Variants in NEO1 observed in about 807,000 individuals in gnomAD.
NEO1 encodes neogenin 1.
A neutral mutation model predicts 159.7 loss-of-function variants in NEO1; 63 were observed. The observed-to-expected ratio is 0.39, with a 90% CI of 0.32 to 0.49. NEO1 has a LOEUF of 0.49. Ranked by LOEUF, NEO1 falls within the 20% of genes least tolerant of loss-of-function variation. The pLI, the probability that NEO1 is intolerant of heterozygous loss-of-function variation, is 0.85. For synonymous variants in NEO1, 633 were observed against 662.0 expected (o/e 0.96, Z 0.67); for missense variants, 1,615 against 1,831.0 (o/e 0.88, Z 2.15).
chr15:73,179,511 G>A (rs1567402620), intron 7 of NEO1, among the ~76,000 whole-genome samples: 1 of 152,212 alleles, frequency 6.6e-6, no homozygotes, highest in Admixed American at 6.5e-5. Context: ...GGTGTAAGGG[G>A]AAGCTGCTGG....
chr15:73,245,049 A>AC (rs2039713759), intron 9 of NEO1, among the ~76,000 whole-genome samples: 1 of 149,924 alleles, frequency 6.7e-6, no homozygotes, highest in Admixed American at 6.7e-5. Flanking sequence ...TATTTTACTG[A>AC]CCCTTTAAGA....
intron 22 of NEO1, among the ~76,000 whole-genome samples, chr15:73,278,667 C>T (rs933587360): frequency 2.0e-5 from 3 of 152,192 alleles, no homozygotes; most frequent in Admixed American, 6.5e-5. Context: ...ATGACACCCC[C>T]GTCTTTACAG....
At chr15:73,148,671 T>G (rs2033122612) in intron 5 of NEO1, among the ~76,000 whole-genome samples, 1 of 152,192 alleles carries the variant, frequency 6.6e-6, no homozygotes, top group Admixed American at 6.5e-5. Context: ...ACCCTCAGTT[T>G]ATCTGAAAGT....
intron 1 of NEO1, among the ~76,000 whole-genome samples, chr15:73,071,604 T>G (rs1029485923): frequency 1.8e-4 from 27 of 152,160 alleles, no homozygotes; most frequent in African/African-American, 6.3e-4. Context: ...CACAGCTTAC[T>G]GCAGCCTTGA....
intron 7 of NEO1, among the ~76,000 whole-genome samples, chr15:73,192,849 G>A (rs374985200): frequency 6.6e-6 from 1 of 151,916 alleles, no homozygotes; most frequent in East Asian, 1.9e-4. Context: ...GCTGAGGAAT[G>A]GGATTGGAAA....
chr15:73,124,566 T>A (rs2029905815), intron 3 of NEO1, among the ~76,000 whole-genome samples: 1 of 152,198 alleles, frequency 6.6e-6, no homozygotes, highest in Admixed American at 6.5e-5. Context: ...ACAATCCAGA[T>A]ATGCTCTTGG....
chr15:73,270,178 C>T lies in NEO1; in HGVS notation c.2663C>T (p.Ser888Phe). 1 of 1,614,118 alleles carries T rather than the reference C, an allele frequency of 6.2e-7. No homozygotes were observed. The highest frequency in any genetic ancestry group is 8.5e-7 in the Non-Finnish European group (1 of 1,180,024). Residue 888 changes from serine to phenylalanine, a missense_variant, in exon 17 of 29, where the codon TCC (serine) becomes TTC (phenylalanine). Physicochemically the swap from Ser to Phe is radical, Grantham distance 155. Around this residue, in one of 3 missense-constraint regions of NEO1, gnomAD observed 1,018 missense variants for 1,115.4 expected, o/e 0.91. Coordinates refer to ENST00000261908, the MANE Select transcript of NEO1 (RefSeq NM_002499.4). ...SLPKHQKITD[S>F]RYYTVRWKTN... is the part of the protein sequence containing the mutation. ...CCCAAGCACCAGAAGATTACAGACT[C>T]CCGATACTACACCGTCCGATGGAAA...
chr15:73,272,782 G>A (rs1345610748), intron 19 of NEO1, among the ~76,000 whole-genome samples: 12 of 152,110 alleles, frequency 7.9e-5, no homozygotes, highest in Admixed American at 7.2e-4. Flanking sequence ...TCTGACTGCA[G>A]TCGGGGATGG....
At chr15:73,251,544 A>C (rs1196178223) in intron 11 of NEO1, among the ~76,000 whole-genome samples, 3 of 151,710 alleles carry the variant, frequency 2.0e-5, no homozygotes, top group African/African-American at 7.3e-5. Flanking sequence ...GTTGGGAAAA[A>C]GAAACAAATA....
intron 15 of NEO1, among the ~76,000 whole-genome samples, chr15:73,265,022 G>T (rs529922991): frequency 6.6e-6 from 1 of 152,190 alleles, no homozygotes; most frequent in Non-Finnish European, 1.5e-5. Flanking sequence ...ATGAATAGGC[G>T]CTTACCTAGG....
chr15:73,190,922 A>G (rs1188775713), intron 7 of NEO1, among the ~76,000 whole-genome samples: 1 of 152,068 alleles, frequency 6.6e-6, no homozygotes, highest in Non-Finnish European at 1.5e-5. Flanking sequence ...TCTATAAAAT[A>G]AAGGAATTAA....
At chr15:73,147,411 G>T (rs1211441995) in intron 5 of NEO1, among the ~76,000 whole-genome samples, 1 of 152,130 alleles carries the variant, frequency 6.6e-6, no homozygotes, top group African/African-American at 2.4e-5. Flanking sequence ...CCATCCATCA[G>T]ATGGCACCAT....
intron 5 of NEO1, among the ~76,000 whole-genome samples, chr15:73,138,784 AAAAC>A (rs1297696960): frequency 2.6e-5 from 4 of 152,002 alleles, no homozygotes; most frequent in African/African-American, 9.7e-5. Flanking sequence ...AAAAAACAAA[AAAAC>A]AAAGGGGGAG....
In NEO1 at chr15:73,202,313, G is replaced by A. The variant is rs535178643; in HGVS notation, c.1291+23886G>A. Among the ~76,000 whole-genome samples, 6 of 152,090 alleles carry A rather than the reference G, an allele frequency of 3.9e-5. No individual in the cohort carries two copies. The East Asian group carries it at 5.8e-4, about 15-fold the overall frequency. ...AGTCATGTGGCTTTTTAATGAAAGG[G>A]TATTTAAACTATAATCACTAATACA... On this transcript the variant is annotated intron_variant, in intron 7 of 28. Coordinates refer to ENST00000261908, the MANE Select transcript of NEO1 (RefSeq NM_002499.4).
rs1281933049 is a variant in NEO1, at chr15:73,127,921, C to A, written c.878+1351C>A. Among the ~76,000 whole-genome samples, 8 of 152,262 alleles carry A rather than the reference C, an allele frequency of 5.3e-5. No homozygotes were observed. The East Asian group carries it at 1.5e-3, about 29-fold the overall frequency. On this transcript the variant is annotated intron_variant, in intron 4 of 28. Transcript: ENST00000261908. ...GGCTATTGACTTGGACAGGGCAGAT[C>A]TAGAGTTTCCCAGTTGCAAAATCAA...
At chr15:73,256,088 T>A (rs2040334144) in intron 13 of NEO1, 1 of 152,200 alleles carries the variant, frequency 6.6e-6, no homozygotes, top group African/African-American at 2.4e-5. Flanking sequence ...TTAACTTTCT[T>A]TATATTTTAT....
rs11368240 is a variant in NEO1, at chr15:73,138,755, C to CA, written c.1015+2744dup. Among the ~76,000 whole-genome samples the CA allele has an allele frequency of 9.2e-3, 998 of 109,018 alleles. 14 individuals are homozygous for CA. The highest frequency in any genetic ancestry group is 0.011 in the Non-Finnish European group (557 of 50,958). 71.5% of individuals were successfully genotyped at this position (109,018 alleles called of 152,430 possible). ...TGGGCGACAGAGCGAGACTCCGTCT[C>CA]AAAAAAAAAAAAAAAACAAAAAAAC... is the stretch of plus-strand genomic sequence containing the variant. On this transcript the variant is annotated intron_variant, in intron 5 of 28. Transcript: ENST00000261908.
chr15:73,155,058 A>G (rs1033487134), intron 5 of NEO1, among the ~76,000 whole-genome samples: 1 of 146,674 alleles, frequency 6.8e-6, no homozygotes, highest in Non-Finnish European at 1.5e-5. Flanking sequence ...GTGAATGTCA[A>G]CCTTTCATTA....
intron 1 of NEO1, among the ~76,000 whole-genome samples, chr15:73,101,030 AGG>A (rs1459855159): frequency 6.6e-6 from 1 of 152,220 alleles, no homozygotes; most frequent in Non-Finnish European, 1.5e-5. Context: ...TTGTTACAAG[AGG>A]GGCAGCATTC....
Sources: gnomAD v4.1 joint callset for allele counts (sites outside exome capture counted in the v4.1 genomes callset) on GRCh38, gnomAD v4.1.1 for gene constraint, gnomAD v4.1.1 regional missense constraint, MANE v1.5 for transcripts, NCBI Gene and HGNC (gene_info 2026-07-23, HGNC 2026-07-21) for gene names.